Variants in TUSC3 observed in about 807,000 individuals in gnomAD.
TUSC3 encodes dolichyl-diphosphooligosaccharide--protein glycosyltransferase subunit TUSC3.
Under a neutral mutation model 44.8 loss-of-function variants are expected in TUSC3, and 45 were observed. The ratio of observed to expected loss-of-function variants is 1.00; its 90% CI spans 0.79 to 1.29. The LOEUF is 1.29. Ranked by LOEUF, TUSC3 falls within the 50% of genes most tolerant of loss-of-function variation. TUSC3 has a pLI of 0.00. For synonymous variants in TUSC3, 212 were observed against 152.9 expected, an observed-to-expected ratio of 1.39 and a Z score of -2.85; for missense variants, 519 against 437.9, an observed-to-expected ratio of 1.19 and a Z score of -1.65.
At chr8:15,718,046 G>A (rs1289566534) in intron 6 of TUSC3, among the ~76,000 whole-genome samples, 1 of 152,030 alleles carries the variant, frequency 6.6e-6, no homozygotes, top group African/African-American at 2.4e-5. Context: ...GATATTGATT[G>A]ATTGATTGAT....
chr8:15,815,337 A>C, the TUSC3 span, among the ~76,000 whole-genome samples: 1 of 152,120 alleles, frequency 6.6e-6, no homozygotes, highest in Non-Finnish European at 1.5e-5. Flanking sequence ...AGGGAAAGAT[A>C]GTAGGAAATC....
intron 2 of TUSC3, among the ~76,000 whole-genome samples, chr8:15,501,925 T>C (rs1401274921): frequency 4.6e-5 from 7 of 152,244 alleles, no homozygotes; most frequent in Middle Eastern, 3.2e-3. Context: ...TCAGTCTTGA[T>C]CTCTGGAAGT....
intron 1 of TUSC3, among the ~76,000 whole-genome samples, chr8:15,568,634 G>A (rs1048579322): frequency 7.3e-6 from 1 of 136,372 alleles, no homozygotes; most frequent in African/African-American, 2.8e-5. Flanking sequence ...GTGGAGTCTT[G>A]CTTTATCGCC....
the TUSC3 span, among the ~76,000 whole-genome samples, chr8:15,837,148 A>G: frequency 2.0e-5 from 3 of 152,152 alleles, no homozygotes; most frequent in Non-Finnish European, 4.4e-5. Flanking sequence ...GATAAATCTG[A>G]GGCTGAAGGT....
the TUSC3 span, among the ~76,000 whole-genome samples, chr8:15,826,965 T>A: frequency 6.6e-6 from 1 of 152,190 alleles, no homozygotes; most frequent in Non-Finnish European, 1.5e-5. Flanking sequence ...CTGACTGAAT[T>A]TGATTGCTGC....
chr8:15,738,831 T>TTTTTTTCTTTC lies in TUSC3; in HGVS notation c.863-4701_863-4700insCTTTCTTTTTT, dbSNP rs1445059476. Among the ~76,000 whole-genome samples, 875 of 123,566 alleles carry TTTTTTTCTTTC rather than the reference T, an allele frequency of 7.1e-3. 68 individuals carry two copies. Among genetic ancestry groups the TTTTTTTCTTTC allele is most frequent in the African/African-American group, 0.024 (783 of 32,038 alleles). The allele number at this position is 123,566 out of a possible 152,430, so 81.1% of individuals were successfully genotyped here. A position where few individuals can be genotyped will look rare whatever the true frequency, so the allele number is the denominator to read the frequency against. On this transcript the variant is annotated intron_variant, in intron 7 of 10. Coordinates refer to ENST00000503731, the MANE Select transcript of TUSC3 (RefSeq NM_006765.4). ...AATTACTATTAATATATCTTGCTTT[T>TTTTTTTCTTTC]TTTTTTTTTTTTTTTTTTTGAGAGG...
chr8:15,608,707 A>C (rs950187003), intron 1 of TUSC3, among the ~76,000 whole-genome samples: 3 of 151,970 alleles, frequency 2.0e-5, no homozygotes, highest in Non-Finnish European at 4.4e-5. Flanking sequence ...CTTTCACTTC[A>C]CTTCTCTTGC....
chr8:15,654,468 TTA>T (rs1807062844), intron 3 of TUSC3, among the ~76,000 whole-genome samples: 1 of 152,202 alleles, frequency 6.6e-6, no homozygotes, highest in Admixed American at 6.5e-5. Flanking sequence ...GATATATTTT[TTA>T]TATATGTTAT....
intron 2 of TUSC3, among the ~76,000 whole-genome samples, chr8:15,504,621 ATTTTTTTTT>A (rs869264757): frequency 3.0e-4 from 6 of 20,298 alleles, no homozygotes; most frequent in Non-Finnish European, 2.4e-4. Flanking sequence ...ATATATATAT[ATTTTTTTTT>A]TTTTTTTTTT....
chr8:15,504,263 C>G (rs1357603380), intron 2 of TUSC3, among the ~76,000 whole-genome samples: 1 of 151,970 alleles, frequency 6.6e-6, no homozygotes, highest in African/African-American at 2.4e-5. Flanking sequence ...ATAAAGATCG[C>G]TGGAGATCCT....
At chr8:15,839,711 A>G in the TUSC3 span, among the ~76,000 whole-genome samples, 857 of 152,332 alleles carry the variant, frequency 5.6e-3, 5 homozygotes, top group Non-Finnish European at 0.01. Context: ...GGTGATCATT[A>G]AAAAGTCAGG....
chr8:15,801,035 C>G, the TUSC3 span, among the ~76,000 whole-genome samples: 1 of 152,226 alleles, frequency 6.6e-6, no homozygotes, highest in Admixed American at 6.5e-5. Flanking sequence ...GGTTCTGGAT[C>G]TCACCCAAGA....
intron 1 of TUSC3, among the ~76,000 whole-genome samples, chr8:15,422,180 G>GT (rs781617057): frequency 2.0e-5 from 3 of 152,140 alleles, no homozygotes; most frequent in Non-Finnish European, 4.4e-5. Context: ...AGATACTATG[G>GT]TTTTTTATGT....
chr8:15,644,831 A>T (rs1379837495), intron 2 of TUSC3, among the ~76,000 whole-genome samples: 3 of 152,126 alleles, frequency 2.0e-5, no homozygotes, highest in Non-Finnish European at 4.4e-5. Context: ...CACTCAGCAG[A>T]AAAAAGCCCC....
the TUSC3 span, among the ~76,000 whole-genome samples, chr8:15,829,673 T>C: frequency 6.6e-6 from 1 of 152,120 alleles, no homozygotes; most frequent in Non-Finnish European, 1.5e-5. Flanking sequence ...ATTTAAAATA[T>C]CTTTAATTCT....
chr8:15,540,428 G>C lies in TUSC3; in HGVS notation c.-3G>C, dbSNP rs1801638960. On this transcript the variant is annotated 5_prime_UTR_variant, in exon 1 of 11. Coordinates refer to ENST00000503731, the MANE Select transcript of TUSC3 (RefSeq NM_006765.4). Reference sequence around the variant, plus strand: ...CGCGTGGAGGAGACACTGCCCTGCCGCGATGGGGGCCCGGGGCGCTCCTTC... The same window carrying C: ...CGCGTGGAGGAGACACTGCCCTGCCCCGATGGGGGCCCGGGGCGCTCCTTC... 1 of 1,584,934 alleles carries C rather than the reference G, an allele frequency of 6.3e-7. No individual in the cohort carries two copies. The highest frequency in any genetic ancestry group is 8.6e-7 in the Non-Finnish European group (1 of 1,167,010).
At chr8:15,847,377 T>G in the TUSC3 span, among the ~76,000 whole-genome samples, 1 of 152,182 alleles carries the variant, frequency 6.6e-6, no homozygotes, top group African/African-American at 2.4e-5. Flanking sequence ...TCTTGTGATT[T>G]TGCAAACTTC....
At chr8:15,448,284 A>T (rs1800138025) in intron 1 of TUSC3, among the ~76,000 whole-genome samples, 1 of 151,210 alleles carries the variant, frequency 6.6e-6, no homozygotes, top group African/African-American at 2.4e-5. Context: ...ACACCCTGCT[A>T]TTTTTTGTAT....
chr8:15,648,352 C>A (rs1417716702), intron 2 of TUSC3, among the ~76,000 whole-genome samples: 2 of 152,024 alleles, frequency 1.3e-5, no homozygotes, highest in East Asian at 1.9e-4. Flanking sequence ...TGCATGTTCT[C>A]ACTGGGTATG....
Sources: gnomAD v4.1 joint callset for allele counts (sites outside exome capture counted in the v4.1 genomes callset) on GRCh38, gnomAD v4.1.1 for gene constraint, MANE v1.5 for transcripts, NCBI Gene and HGNC (gene_info 2026-07-23, HGNC 2026-07-21) for gene names.